Variants in FAM193B observed in about 807,000 individuals in gnomAD.
The protein encoded by FAM193B is family with sequence similarity 193 member B, also known as protein FAM193B.
In FAM193B, 27 loss-of-function variants were observed where a neutral mutation model predicts 70.7. The observed-to-expected ratio is 0.38, with a 90% confidence interval of 0.28 to 0.53. FAM193B has a LOEUF of 0.53. Ranked by LOEUF, FAM193B falls within the 20% of genes least tolerant of loss-of-function variation. The probability of loss-of-function intolerance (pLI) is 0.81; values close to 1 mark genes in which losing one functional copy is unlikely to be tolerated. For missense variants in FAM193B, 1,022 were observed against 1,072.5 expected (o/e 0.95, Z 0.66); for synonymous variants, 448 against 436.0 (o/e 1.03, Z -0.34).
intron 1 of FAM193B, 195 bp downstream of exon 1, chr5:177,554,054 C>A: frequency 7.4e-7 from 1 of 1,350,470 alleles, no homozygotes; most frequent in Admixed American, 3.3e-5. Context: ...GGAGCGCGGA[C>A]CGAGCCTCGG....
chr5:177,532,701 TC>T lies in FAM193B; in HGVS notation c.1077-61del. On this transcript the variant is annotated intron_variant, in intron 4 of 8. Transcript: ENST00000514747. The surrounding 1 kb of genome is among the most constrained non-coding windows in gnomAD (Gnocchi z 4.9). The stretch of plus-strand genomic sequence containing the variant: ...GGGTGATGCAGAAACCCAGGAAGCA[TC>T]CCAACCACCACCTGCCATCCTGACC... 1.4e-6 allele frequency: 2 copies of T among 1,417,358 alleles called. No individual in the cohort carries two copies. The highest frequency in any genetic ancestry group is 1.8e-6 in the Non-Finnish European group (2 of 1,088,204). The allele number at this position is 1,417,358 out of a possible 1,614,324, so 87.8% of individuals were successfully genotyped here. A position where few individuals can be genotyped will look rare whatever the true frequency, so the allele number is the denominator to read the frequency against.
At chr5:177,537,374 G>A (rs1764295675) in intron 3 of FAM193B, among the ~76,000 whole-genome samples, 1 of 152,224 alleles carries the variant, frequency 6.6e-6, no homozygotes, top group Admixed American at 6.5e-5. Context: ...GTCTCTGAGA[G>A]TTATTTCAGG....
intron 5 of FAM193B, among the ~76,000 whole-genome samples, chr5:177,528,093 G>A (rs1279443853): frequency 6.6e-6 from 1 of 152,158 alleles, no homozygotes; most frequent in Admixed American, 6.5e-5. Context: ...GACGTCAGAG[G>A]GGCAGGCAAG....
At chr5:177,534,825 C>T (rs988885484) in intron 4 of FAM193B, among the ~76,000 whole-genome samples, 1 of 152,070 alleles carries the variant, frequency 6.6e-6, no homozygotes, top group African/African-American at 2.4e-5. Flanking sequence ...ATTATGTTGC[C>T]CTTGCTAGTC....
Position 177,536,669 on chromosome 5 carries a change from G to A in FAM193B, c.765C>T (p.His255=). The A allele has an allele frequency of 6.4e-7, 1 of 1,557,294 alleles. No homozygotes were observed. The highest frequency in any genetic ancestry group is 8.6e-7 in the Non-Finnish European group (1 of 1,156,710). ...ACGGGATTAGAGATGCTGGCTGCGG[G>A]TGGTGGCCGGTGGGGCTGTTAGGGG... The part of the protein sequence containing the change: ...TAPPNSPTGH[H]PQPASLIPSH... The change falls in exon 4 of 9, where the codon CAC becomes CAT. Residue 255 remains histidine (H), a synonymous_variant. Transcript: ENST00000514747.
intron 7 of FAM193B, 186 bp from the exon 8 acceptor site, chr5:177,522,257 C>T (rs931317639): frequency 1.4e-5 from 8 of 559,916 alleles, no homozygotes; most frequent in Non-Finnish European, 2.6e-5. Flanking sequence ...GGATTGGGCC[C>T]AGGGAACTAT....
chr5:177,520,254 A>G (rs1761507956), intron 8 of FAM193B, 73 bp from the exon 9 acceptor site: 1 of 152,270 alleles, frequency 6.6e-6, no homozygotes. Flanking sequence ...CCACTTGGGT[A>G]CCCATGGGTC....
Position 177,543,854 on chromosome 5 carries a change from G to A in FAM193B, c.211-4707C>T, listed in dbSNP as rs530243759. 3.3e-5 allele frequency among the ~76,000 whole-genome samples: 5 copies of A among 152,292 alleles called. No homozygotes were observed. In the East Asian group the frequency reaches 5.8e-4, roughly 18 times the overall value. ...TCCCAAGCTGTACTTTTAGCACCTGGCACAGTATTCCTACACAAAGAAGAG... is the reference window on the plus strand; with the variant it reads ...TCCCAAGCTGTACTTTTAGCACCTGACACAGTATTCCTACACAAAGAAGAG... On this transcript the variant is annotated intron_variant, in intron 1 of 8. Coordinates refer to ENST00000514747, the MANE Select transcript of FAM193B (RefSeq NM_001190946.3).
At chr5:177,542,859 G>A (rs1022088260) in intron 1 of FAM193B, among the ~76,000 whole-genome samples, 7 of 152,200 alleles carry the variant, frequency 4.6e-5, no homozygotes, top group Non-Finnish European at 8.8e-5. Context: ...TGCCAGGTCT[G>A]ATTCCTGTCT....
Position 177,537,971 on chromosome 5 carries a change from G to A in FAM193B, c.590C>T (p.Ser197Leu), listed in dbSNP as rs762494379. The A allele has an allele frequency of 4.5e-6, 7 of 1,564,386 alleles. No homozygotes were observed. The highest frequency in any genetic ancestry group is 2.4e-5 in the South Asian group (2 of 84,840). Residue 197 changes from serine (S) to leucine (L), a missense_variant, in exon 3 of 9, where the codon TCG becomes TTG. Physicochemically the swap from Ser to Leu is moderately radical, Grantham distance 145. Coordinates refer to ENST00000514747, the MANE Select transcript of FAM193B (RefSeq NM_001190946.3). ...PGNSGDWDPSSFLSAHKLSGL... is the reference protein window; with the variant it reads ...PGNSGDWDPSLFLSAHKLSGL... ...CGAGAGCTTATGTGCCGACAGGAAC[G>A]AGCTAGGATCCCAGTCTCCCGAGTT...
Position 177,525,096 on chromosome 5 carries a change from C to T in FAM193B, c.1385G>A (p.Arg462Gln), listed in dbSNP as rs1009673512. The T allele has an allele frequency of 5.0e-6, 8 of 1,589,812 alleles. No homozygotes were observed. The highest frequency in any genetic ancestry group is 1.4e-5 in the African/African-American group (1 of 73,664). ...GAAGCTGTTGACCCGATCCAGTTCC[C>T]GGTCGGGCCACTCCAAGAGCCTCTC... Reference protein sequence around the residue: ...ARERLLEWPDRELDRVNSFLS... With the variant: ...ARERLLEWPDQELDRVNSFLS... The change falls in exon 6 of 9, where the codon CGG (arginine) becomes CAG (glutamine). Residue 462 changes from arginine (R) to glutamine (Q), a missense_variant. Coordinates refer to ENST00000514747, the MANE Select transcript of FAM193B (RefSeq NM_001190946.3).
rs1766497620 is a variant in FAM193B at position 177,553,028 on chromosome 5, A to G, written c.210+1221T>C. On this transcript the variant is annotated intron_variant, in intron 1 of 8. Coordinates refer to ENST00000514747, the MANE Select transcript of FAM193B (RefSeq NM_001190946.3). ...TCCAGGGCAGGCAACAGACATATCAACACAATGTTTCATCACAGAAAGGGG... is the reference window on the plus strand; with the variant it reads ...TCCAGGGCAGGCAACAGACATATCAGCACAATGTTTCATCACAGAAAGGGG... 3 of 268,810 alleles carry G rather than the reference A, an allele frequency of 1.1e-5. No homozygotes were observed. The South Asian group carries it at 4.2e-4, about 38-fold the overall frequency. 16.7% of individuals were successfully genotyped at this position (268,810 alleles called of 1,614,324 possible). A position where few individuals can be genotyped will look rare whatever the true frequency, so the allele number is the denominator to read the frequency against.
At chr5:177,537,608 C>G (rs941520153) in intron 3 of FAM193B, among the ~76,000 whole-genome samples, 3 of 152,204 alleles carry the variant, frequency 2.0e-5, no homozygotes, top group African/African-American at 7.2e-5. Flanking sequence ...ACCGGATGCC[C>G]TCTTGATCCA....
intron 1 of FAM193B, among the ~76,000 whole-genome samples, chr5:177,551,884 C>T (rs1766295258): frequency 6.6e-6 from 1 of 152,232 alleles, no homozygotes; most frequent in Non-Finnish European, 1.5e-5. Context: ...GAACCCTACC[C>T]TTACACTAGG....
intron 5 of FAM193B, 196 bp from the exon 6 acceptor site, chr5:177,525,401 T>C (rs1393847065): frequency 4.5e-6 from 2 of 440,794 alleles, no homozygotes; most frequent in Admixed American, 8.4e-5. Flanking sequence ...GGGGCAGGGG[T>C]AGTCACACCC....
Position 177,553,955 on chromosome 5 carries a change from G to GCCCAGTCCCAGT in FAM193B, c.210+282_210+293dup, listed in dbSNP as rs539736923. 9 of 1,252,168 alleles carry GCCCAGTCCCAGT rather than the reference G, an allele frequency of 7.2e-6. No homozygotes were observed. The South Asian group carries it at 9.2e-5, about 13-fold the overall frequency. 77.6% of individuals were successfully genotyped at this position (1,252,168 alleles called of 1,614,324 possible). A position where few individuals can be genotyped will look rare whatever the true frequency, so the allele number is the denominator to read the frequency against. ...GCGGAGCTGCGGCCTCGGGATCACAGCCCAGTCCCAGTCCCAGTCCCAGTG... is the reference window on the plus strand; with the variant it reads ...GCGGAGCTGCGGCCTCGGGATCACAGCCCAGTCCCAGTCCCAGTCCCAGTCCCAGTCCCAGTG... On this transcript the variant is annotated intron_variant, in intron 1 of 8. Coordinates refer to ENST00000514747, the MANE Select transcript of FAM193B (RefSeq NM_001190946.3).
intron 3 of FAM193B, among the ~76,000 whole-genome samples, chr5:177,537,623 GA>G (rs932714866): frequency 6.6e-6 from 1 of 152,184 alleles, no homozygotes; most frequent in Non-Finnish European, 1.5e-5. Flanking sequence ...GATCCAATGT[GA>G]ACTACCAGAG....
intron 1 of FAM193B, among the ~76,000 whole-genome samples, chr5:177,547,728 T>C (rs1765637226): frequency 6.6e-6 from 1 of 152,198 alleles, no homozygotes; most frequent in South Asian, 2.1e-4. Flanking sequence ...TTCTTTCTGC[T>C]TTAGTTTCCC....
chr5:177,524,465 C>T lies in FAM193B; in HGVS notation c.2016G>A (p.Lys672=), dbSNP rs767127349. 2.5e-6 allele frequency: 4 copies of T among 1,611,986 alleles called. No homozygotes were observed. The South Asian group carries it at 4.4e-5, about 18-fold the overall frequency. ...PSAKGQVAGP[K]QPGRVLELPK... The stretch of plus-strand genomic sequence containing the variant: ...GAAGCTCTAGGACCCTGCCTGGCTG[C>T]TTGGGGCCAGCGACCTGGCCCTTGG... The change falls in exon 6 of 9, where the codon AAG becomes AAA. Residue 672 remains lysine, a synonymous_variant. Coordinates refer to ENST00000514747, the MANE Select transcript of FAM193B (RefSeq NM_001190946.3).
Sources: gnomAD v4.1 joint callset for allele counts (sites outside exome capture counted in the v4.1 genomes callset) on GRCh38, gnomAD v4.1.1 for gene constraint, Gnocchi (gnomAD v3.1) non-coding constraint, MANE v1.5 for transcripts, NCBI Gene and HGNC (gene_info 2026-07-23, HGNC 2026-07-21) for gene names.